Variants in PTPRM observed in about 807,000 individuals in gnomAD.
PTPRM encodes the protein protein tyrosine phosphatase receptor type M, also known as receptor-type tyrosine-protein phosphatase mu.
Under a neutral mutation model 186.7 loss-of-function variants are expected in PTPRM, and 47 were observed. That is an observed-to-expected ratio of 0.25 (90% confidence interval 0.20 to 0.32). The LOEUF is 0.32. PTPRM is among the 10% of genes least tolerant of loss of function. The pLI, the probability that PTPRM is intolerant of heterozygous loss-of-function variation, is 1.00. For synonymous variants in PTPRM, 668 were observed against 674.9 expected, an observed-to-expected ratio of 0.99 and a Z score of 0.16; for missense variants, 1,494 against 1,865.0, an observed-to-expected ratio of 0.80 and a Z score of 3.66.
intron 19 of PTPRM, among the ~76,000 whole-genome samples, chr18:8,253,814 G>A (rs772294018): frequency 2.0e-5 from 3 of 152,122 alleles, no homozygotes; most frequent in Admixed American, 1.3e-4. Flanking sequence ...GTTCACATGC[G>A]TTACATGGAA....
chr18:7,944,412 A>C (rs1168657934), intron 5 of PTPRM, among the ~76,000 whole-genome samples: 1 of 152,028 alleles, frequency 6.6e-6, no homozygotes, highest in African/African-American at 2.4e-5. Flanking sequence ...CATCAGTTGG[A>C]CTCACACCGT....
intron 10 of PTPRM, among the ~76,000 whole-genome samples, chr18:8,088,418 G>T (rs889176599): frequency 6.6e-6 from 1 of 152,172 alleles, no homozygotes; most frequent in South Asian, 2.1e-4. Flanking sequence ...TGTACCAATT[G>T]TAAGTGTACA....
At chr18:8,387,579 G>A (rs2095784813) in intron 31 of PTPRM, among the ~76,000 whole-genome samples, 1 of 150,972 alleles carries the variant, frequency 6.6e-6, no homozygotes, top group East Asian at 1.9e-4. Context: ...GTCTTCAACT[G>A]TTGGTAACTT....
intron 6 of PTPRM, among the ~76,000 whole-genome samples, chr18:7,952,477 T>C: frequency 6.6e-6 from 1 of 151,602 alleles, no homozygotes; most frequent in Non-Finnish European, 1.5e-5. Flanking sequence ...GGCGGGTGGA[T>C]CACAAGGTCA....
intron 14 of PTPRM, among the ~76,000 whole-genome samples, chr18:8,242,733 C>A (rs1158281679): frequency 6.6e-6 from 1 of 152,156 alleles, no homozygotes; most frequent in Non-Finnish European, 1.5e-5. Flanking sequence ...TAACTACAGG[C>A]AAGAAAGCAT....
At chr18:8,260,941 GC>G (rs2094624694) in intron 19 of PTPRM, among the ~76,000 whole-genome samples, 1 of 152,200 alleles carries the variant, frequency 6.6e-6, no homozygotes, top group African/African-American at 2.4e-5. Flanking sequence ...GTGCACAGCA[GC>G]CCCTTCGCTG....
intron 7 of PTPRM, among the ~76,000 whole-genome samples, chr18:7,968,298 T>A (rs1028642336): frequency 7.2e-6 from 1 of 139,594 alleles, no homozygotes; most frequent in African/African-American, 2.9e-5. Context: ...AAAGAGCTCC[T>A]GAAGGAAGCG....
intron 7 of PTPRM, among the ~76,000 whole-genome samples, chr18:8,028,583 T>G (rs1273834597): frequency 6.6e-6 from 1 of 152,234 alleles, no homozygotes; most frequent in Non-Finnish European, 1.5e-5. Context: ...GTGTAAACCA[T>G]ATGTGTAATA....
intron 2 of PTPRM, among the ~76,000 whole-genome samples, chr18:7,832,434 C>T (rs185726161): frequency 2.0e-5 from 3 of 151,242 alleles, no homozygotes; most frequent in Admixed American, 6.7e-5. Flanking sequence ...TCTTTTGAGA[C>T]GTGTCTATTA....
In PTPRM at chr18:8,318,382, G is replaced by A. The variant is rs558557954; in HGVS notation, c.2920-796G>A. Among the ~76,000 whole-genome samples, 5 of 137,220 alleles carry A rather than the reference G, an allele frequency of 3.6e-5. No homozygotes were observed. In the South Asian group the frequency reaches 1.2e-3, roughly 33 times the overall value. The allele number at this position is 137,220 out of a possible 152,430, so 90.0% of individuals were successfully genotyped here. On this transcript the variant is annotated intron_variant, in intron 21 of 32. Transcript: ENST00000580170. ...TGCAATCTTGGCTCACTGCAGCCTG[G>A]AACCCCTGGGCTTATGCAATCCTCC...
chr18:8,102,740 C>T (rs2091345948), intron 11 of PTPRM, among the ~76,000 whole-genome samples: 1 of 152,190 alleles, frequency 6.6e-6, no homozygotes, highest in Non-Finnish European at 1.5e-5. Flanking sequence ...ACTTTCACTT[C>T]CTCCCATGAA....
chr18:8,052,336 C>A (rs2087565170), intron 7 of PTPRM, among the ~76,000 whole-genome samples: 1 of 152,140 alleles, frequency 6.6e-6, no homozygotes, highest in Admixed American at 6.6e-5. Flanking sequence ...ACATTTTGGT[C>A]AACCGCAGAC....
intron 31 of PTPRM, among the ~76,000 whole-genome samples, chr18:8,392,575 C>G (rs1319882297): frequency 6.6e-6 from 1 of 151,532 alleles, no homozygotes; most frequent in South Asian, 2.1e-4. Flanking sequence ...TGCAGTGAGC[C>G]AAGATCGCGC....
chr18:8,244,311 AT>A, intron 15 of PTPRM, 102 bp downstream of exon 15: 3 of 1,190,096 alleles, frequency 2.5e-6, no homozygotes, highest in Non-Finnish European at 3.4e-6. Context: ...TCCTGAAGAA[AT>A]TTTTATGCCG....
At chr18:8,063,798 T>A (rs1159816760) in intron 7 of PTPRM, among the ~76,000 whole-genome samples, 3 of 152,224 alleles carry the variant, frequency 2.0e-5, no homozygotes, top group Non-Finnish European at 4.4e-5. Flanking sequence ...GAAATTATTC[T>A]GAAACCAGAT....
At chr18:8,013,519 A>C (rs1486147016) in intron 7 of PTPRM, among the ~76,000 whole-genome samples, 2 of 152,214 alleles carry the variant, frequency 1.3e-5, no homozygotes, top group Non-Finnish European at 2.9e-5. Context: ...GTGGAGGTGG[A>C]TCTTCATCCT....
chr18:7,821,822 G>A (rs953158514), intron 2 of PTPRM, among the ~76,000 whole-genome samples: 1 of 152,156 alleles, frequency 6.6e-6, no homozygotes, highest in East Asian at 1.9e-4. Flanking sequence ...GGATCTACTG[G>A]TCAAAGGGAT....
At chr18:8,400,613 C>T (rs146520776) in intron 32 of PTPRM, among the ~76,000 whole-genome samples, 63 of 152,302 alleles carry the variant, frequency 4.1e-4, no homozygotes, top group African/African-American at 1.4e-3. Context: ...GCCCCCTCCC[C>T]CTCCGTCCCA....
intron 2 of PTPRM, among the ~76,000 whole-genome samples, chr18:7,809,458 G>A (rs1464176786): frequency 6.6e-6 from 1 of 151,984 alleles, no homozygotes; most frequent in Non-Finnish European, 1.5e-5. Context: ...TTCTCCCCTA[G>A]ACCACCGCAC....
Sources: allele counts gnomAD v4.1 joint callset (sites outside exome capture counted in the v4.1 genomes callset), GRCh38; gene constraint gnomAD v4.1.1; transcripts MANE v1.5; gene names NCBI Gene and HGNC (gene_info 2026-07-23, HGNC 2026-07-21).